The following ARHGEF40 variants were observed in gnomAD, a reference collection of about 807,000 sequenced individuals.
The protein encoded by ARHGEF40 is Rho guanine nucleotide exchange factor (GEF) 40.
ARHGEF40 carries 98 observed loss-of-function variants against 165.9 expected under a neutral mutation model. That is an observed-to-expected ratio of 0.59 (90% CI 0.50 to 0.70). The LOEUF is 0.70. Ranked by LOEUF, ARHGEF40 falls within the 30% of genes least tolerant of loss-of-function variation. The pLI is 0.00. For missense variants in ARHGEF40, 1,815 were observed against 1,968.0 expected, an observed-to-expected ratio of 0.92 and a Z score of 1.47; for synonymous variants, 792 against 814.3, an observed-to-expected ratio of 0.97 and a Z score of 0.47.
chr14:21,086,934 AC>A, intron 19 of ARHGEF40, 66 bp from the exon 20 acceptor site: 1 of 1,240,860 alleles, frequency 8.1e-7, no homozygotes, highest in Non-Finnish European at 1.1e-6. Context: ...AAAAAAATCA[AC>A]CATGACATGC....
At chr14:21,062,277 A>T in the ARHGEF40 span, among the ~76,000 whole-genome samples, 11 of 152,206 alleles carry the variant, frequency 7.2e-5, no homozygotes, top group Admixed American at 7.2e-4. Context: ...GGCTTTGGTG[A>T]TTATATTTTC....
At position 21,070,866 on chromosome 14, in the gene ARHGEF40, C is replaced by A; in HGVS notation, c.3+467C>A. On this transcript the variant is annotated intron_variant, in intron 1 of 23. Transcript: ENST00000298694. This position sits in a 1 kb window ranked among gnomAD's most constrained non-coding sequence, Gnocchi z 4.7. Reference sequence around the variant, plus strand: ...CCATTTTCCATCCCTGTCCCCAACCCGGTGAGGCAGGCCCACCCATCCGGC... The same window carrying A: ...CCATTTTCCATCCCTGTCCCCAACCAGGTGAGGCAGGCCCACCCATCCGGC... The A allele has an allele frequency of 6.5e-7, 1 of 1,535,652 alleles. No homozygotes were observed. Among genetic ancestry groups the A allele is most frequent in the South Asian group, 1.2e-5 (1 of 84,066 alleles).
intron 16 of ARHGEF40, among the ~76,000 whole-genome samples, 170 bp downstream of exon 16, chr14:21,083,087 T>G (rs534904516): frequency 6.6e-6 from 1 of 152,148 alleles, no homozygotes; most frequent in East Asian, 1.9e-4. Flanking sequence ...TGAGGCCAGG[T>G]TCTTATCCAG....
At chr14:21,066,979 C>A (rs771529297), upstream of ARHGEF40, among the ~76,000 whole-genome samples, 8 of 152,308 alleles carry the variant, frequency 5.3e-5, no homozygotes, top group Middle Eastern at 3.4e-3. Flanking sequence ...CAAGTCCGTC[C>A]CTAAAATTCC....
chr14:21,081,767 C>T lies in ARHGEF40; in HGVS notation c.2899C>T (p.Arg967Ter), dbSNP rs769481829. Residue 967 changes from arginine (R) to a stop codon, truncating the protein, a stop_gained, in exon 14 of 24, where the codon CGA becomes TGA. Coordinates refer to ENST00000298694, the MANE Select transcript of ARHGEF40 (RefSeq NM_018071.5). LOFTEE classifies it high-confidence loss of function. ...GEEASPRGYRRRRADGASSGG... is the reference protein window; with the variant it reads ...GEEASPRGYR ...GGAGGCGAGCCCACGGGGCTACCGA[C>T]GACGGCGGGCAGACGGTGCCAGCAG... 11 of 1,588,430 alleles carry T rather than the reference C, an allele frequency of 6.9e-6. No homozygotes were observed. The highest frequency in any genetic ancestry group is 5.4e-5 in the Admixed American group (3 of 56,068).
chr14:21,071,825 G>A (rs1285721844), intron 1 of ARHGEF40, among the ~76,000 whole-genome samples: 3 of 152,208 alleles, frequency 2.0e-5, no homozygotes, highest in Non-Finnish European at 2.9e-5. Flanking sequence ...AACACTGGGG[G>A]TCTGTCTGCT....
chr14:21,087,340 GT>G lies in ARHGEF40; in HGVS notation c.4265del (p.Val1422GlyfsTer80). 1 of 1,605,892 alleles carries G rather than the reference GT, an allele frequency of 6.2e-7. No individual in the cohort carries two copies. On this transcript the variant is annotated frameshift_variant, in exon 21 of 24. Transcript: ENST00000298694. LOFTEE classifies it high-confidence loss of function. ...TGRAARTRAS[V>X]AVSSFEHAGP... ...TGCAGCCGCCCGCACCCGGGCCTCC[GT>G]GGCCGTGTCATCCTTTGAGCATGCC... is the stretch of plus-strand genomic sequence containing the variant.
chr14:21,082,727 A>G, intron 15 of ARHGEF40, 104 bp from the exon 16 acceptor site: 1 of 1,248,562 alleles, frequency 8.0e-7, no homozygotes, highest in Admixed American at 1.9e-5. Flanking sequence ...CTCCCTGGTG[A>G]CCCATCCCTC....
At chr14:21,071,155 G>T (rs1238302341) in intron 1 of ARHGEF40, among the ~76,000 whole-genome samples, 7 of 152,208 alleles carry the variant, frequency 4.6e-5, no homozygotes, top group Non-Finnish European at 5.9e-5. Context: ...GGAGCTCCCT[G>T]CAGGGACTAG....
Position 21,075,881 on chromosome 14 carries a change from A to G in ARHGEF40, c.1739+116A>G, listed in dbSNP as rs1356228916. On this transcript the variant is annotated intron_variant, in intron 5 of 23. Coordinates refer to ENST00000298694, the MANE Select transcript of ARHGEF40 (RefSeq NM_018071.5). This position sits in a 1 kb window ranked among gnomAD's most constrained non-coding sequence, Gnocchi z 4.5. ...ACCTCTAAGGACACCTACTTCTTCA[A>G]CCTTCAGACTTCAAGCCATTGACCT... 1.5e-6 allele frequency: 2 copies of G among 1,335,010 alleles called. No homozygotes were observed. Among genetic ancestry groups the G allele is most frequent in the South Asian group, 1.5e-5 (1 of 68,606 alleles). The allele number at this position is 1,335,010 out of a possible 1,614,324, so 82.7% of individuals were successfully genotyped here.
chr14:21,064,061 C>T, the ARHGEF40 span, among the ~76,000 whole-genome samples: 1 of 152,194 alleles, frequency 6.6e-6, no homozygotes, highest in African/African-American at 2.4e-5. Context: ...TTCATGACCC[C>T]TGCCCTCCAC....
chr14:21,075,584 G>A lies in ARHGEF40; in HGVS notation c.1619-61G>A. The A allele has an allele frequency of 6.2e-7, 1 of 1,613,894 alleles. No individual in the cohort carries two copies. Among genetic ancestry groups the A allele is most frequent in the Non-Finnish European group, 8.5e-7 (1 of 1,180,000 alleles). On this transcript the variant is annotated intron_variant, in intron 4 of 23. Coordinates refer to ENST00000298694, the MANE Select transcript of ARHGEF40 (RefSeq NM_018071.5). The surrounding 1 kb of genome is among the most constrained non-coding windows in gnomAD (Gnocchi z 4.5). ...GCTTGGGGACTGGGGGAGGCAGGGT[G>A]GAAAGGAGGTAGGCATGGACTGCTC...
At chr14:21,079,130 C>G (rs1189070318) in intron 11 of ARHGEF40, 120 bp downstream of exon 11, 7 of 1,323,570 alleles carry the variant, frequency 5.3e-6, no homozygotes, top group African/African-American at 1.5e-5. Context: ...ACGCCCCTCC[C>G]TCCTCCTCAC....
At chr14:21,062,354 C>G in the ARHGEF40 span, among the ~76,000 whole-genome samples, 1 of 152,186 alleles carries the variant, frequency 6.6e-6, no homozygotes, top group Non-Finnish European at 1.5e-5. Context: ...GGCTCAGGCT[C>G]AAGGGCATGC....
Position 21,084,935 on chromosome 14 carries a change from G to A in ARHGEF40, c.3960+12G>A. ...AGCAGGCCTTTAAGGTACGATTCCT[G>A]GAGTGAGTGGTGGAGGTGACAGGAA... On this transcript the variant is annotated intron_variant, in intron 18 of 23. Transcript: ENST00000298694. 6.2e-7 allele frequency: 1 copy of A among 1,610,298 alleles called. No individual in the cohort carries two copies. The highest frequency in any genetic ancestry group is 1.1e-5 in the South Asian group (1 of 90,418).
chr14:21,075,620 C>G lies in ARHGEF40; in HGVS notation c.1619-25C>G, dbSNP rs113362065. The G allele has an allele frequency of 5.6e-6, 9 of 1,614,050 alleles. No individual in the cohort carries two copies. The highest frequency in any genetic ancestry group is 7.6e-6 in the Non-Finnish European group (9 of 1,180,000). Reference sequence around the variant, plus strand: ...AGGCATGGACTGCTCCCAGCCAGGACAGCCTGGCCATTTTGTGTCTTCAGG... The same window carrying G: ...AGGCATGGACTGCTCCCAGCCAGGAGAGCCTGGCCATTTTGTGTCTTCAGG... On this transcript the variant is annotated intron_variant, in intron 4 of 23. Transcript: ENST00000298694. This position sits in a 1 kb window ranked among gnomAD's most constrained non-coding sequence, Gnocchi z 4.5.
intron 10 of ARHGEF40, 134 bp from the exon 11 acceptor site, chr14:21,078,750 G>A (rs544392883): frequency 4.5e-6 from 6 of 1,325,810 alleles, no homozygotes; most frequent in East Asian, 4.8e-5. Flanking sequence ...AACCAAAGCA[G>A]TCAGGGTTCA....
chr14:21,087,941 C>T, intron 21 of ARHGEF40, 27 bp from the exon 22 acceptor site: 1 of 1,613,384 alleles, frequency 6.2e-7, no homozygotes. Context: ...ATTCTGTACT[C>T]TGCTCTCACC....
At position 21,090,055 on chromosome 14, in the gene ARHGEF40, G is replaced by A. The variant is rs1183462097; in HGVS notation, c.*1047G>A. 5 of 303,414 alleles carry A rather than the reference G, an allele frequency of 1.6e-5. No individual in the cohort carries two copies. Among genetic ancestry groups the A allele is most frequent in the Admixed American group, 4.0e-5 (1 of 24,830 alleles). 18.8% of individuals were successfully genotyped at this position (303,414 alleles called of 1,614,324 possible). A position where few individuals can be genotyped will look rare whatever the true frequency, so the allele number is the denominator to read the frequency against. On this transcript the variant is annotated 3_prime_UTR_variant, in exon 24 of 24. Coordinates refer to ENST00000298694, the MANE Select transcript of ARHGEF40 (RefSeq NM_018071.5). This position sits in a 1 kb window ranked among gnomAD's most constrained non-coding sequence, Gnocchi z 4.4. ...GACCCAAAGAGGGAAGCAGGACATA[G>A]GTAGGCAGACAGACACAGGGCCCTG... is the stretch of plus-strand genomic sequence containing the variant.
Sources: allele counts gnomAD v4.1 joint callset (sites outside exome capture counted in the v4.1 genomes callset), GRCh38; gene constraint gnomAD v4.1.1; non-coding constraint Gnocchi (gnomAD v3.1); transcripts MANE v1.5; gene names NCBI Gene and HGNC (gene_info 2026-07-23, HGNC 2026-07-21).